The following SORBS2 variants were observed in gnomAD, a reference collection of about 807,000 sequenced individuals.
The protein encoded by SORBS2 is sorbin and SH3 domain containing 2, also known as sorbin and SH3 domain-containing protein 2.
SORBS2 carries 46 observed loss-of-function variants against 97.7 expected under a neutral mutation model. The ratio of observed to expected loss-of-function variants is 0.47; its 90% CI spans 0.37 to 0.60. SORBS2 has a LOEUF of 0.60. Ranked by LOEUF, SORBS2 falls within the 20% of genes least tolerant of loss-of-function variation. SORBS2 has a pLI of 0.00. For synonymous variants in SORBS2, 476 were observed against 473.4 expected, an observed-to-expected ratio of 1.01 and a Z score of -0.07; for missense variants, 1,316 against 1,282.3, an observed-to-expected ratio of 1.03 and a Z score of -0.40.
At chr4:185,642,106 G>T (rs1482869545) in intron 4 of SORBS2, among the ~76,000 whole-genome samples, 1 of 151,954 alleles carries the variant, frequency 6.6e-6, no homozygotes, top group Non-Finnish European at 1.5e-5. Context: ...TATATTTATT[G>T]TGGTTTCACA....
chr4:185,820,146 G>C (rs1387593816), intron 1 of SORBS2, among the ~76,000 whole-genome samples: 2 of 152,184 alleles, frequency 1.3e-5, no homozygotes, highest in African/African-American at 4.8e-5. Flanking sequence ...ACGTGGACCA[G>C]AGCGTCAAAA....
chr4:185,808,949 T>C (rs1262248079), intron 1 of SORBS2, among the ~76,000 whole-genome samples: 3 of 152,212 alleles, frequency 2.0e-5, no homozygotes, highest in Non-Finnish European at 2.9e-5. Context: ...ATTCAAGTTG[T>C]TTTGTTTAAA....
At chr4:185,914,500 T>C (rs560679279) in intron 1 of SORBS2, among the ~76,000 whole-genome samples, 1 of 152,256 alleles carries the variant, frequency 6.6e-6, no homozygotes, top group African/African-American at 2.4e-5. Flanking sequence ...CATACCGGAA[T>C]GTTATTCACC....
intron 1 of SORBS2, among the ~76,000 whole-genome samples, chr4:185,947,381 G>C (rs2099275022): frequency 1.3e-5 from 2 of 152,168 alleles, no homozygotes; most frequent in South Asian, 4.1e-4. Flanking sequence ...AACTTTGGAG[G>C]TGATGTGAGG....
chr4:185,821,874 G>T (rs772486254), intron 1 of SORBS2, among the ~76,000 whole-genome samples: 47 of 152,120 alleles, frequency 3.1e-4, no homozygotes, highest in Admixed American at 2.0e-4. Flanking sequence ...TCATTATTAC[G>T]AAACATGTCT....
intron 2 of SORBS2, among the ~76,000 whole-genome samples, chr4:185,766,965 T>C (rs1488133105): frequency 6.6e-6 from 1 of 152,200 alleles, no homozygotes; most frequent in African/African-American, 2.4e-5. Flanking sequence ...AGCTGGTCTT[T>C]AAAATTTTTT....
chr4:185,842,762 C>T (rs1218031607), intron 1 of SORBS2, among the ~76,000 whole-genome samples: 1 of 151,902 alleles, frequency 6.6e-6, no homozygotes, highest in Non-Finnish European at 1.5e-5. Flanking sequence ...TGGTGAAACC[C>T]TGTCTCTACT....
intron 11 of SORBS2, 116 bp from the exon 24 acceptor site, chr4:185,612,096 A>C: frequency 1.3e-6 from 1 of 743,336 alleles, no homozygotes; most frequent in Non-Finnish European, 2.2e-6. Flanking sequence ...TTATACCTTC[A>C]GTTTTTGTTT....
At chr4:185,794,880 C>A (rs1260772461) in intron 1 of SORBS2, among the ~76,000 whole-genome samples, 1 of 152,120 alleles carries the variant, frequency 6.6e-6, no homozygotes, top group African/African-American at 2.4e-5. Context: ...ACCCAGACCT[C>A]TGGCCTGGGG....
intron 1 of SORBS2, among the ~76,000 whole-genome samples, chr4:185,839,603 T>TA (rs565458441): frequency 1.1e-4 from 17 of 152,182 alleles, no homozygotes; most frequent in Non-Finnish European, 2.5e-4. Flanking sequence ...CTCCAAGCTT[T>TA]ATGTGCTTGT....
chr4:185,947,193 G>T (rs935259815), intron 1 of SORBS2, among the ~76,000 whole-genome samples: 3 of 152,186 alleles, frequency 2.0e-5, no homozygotes, highest in African/African-American at 7.2e-5. Flanking sequence ...CTGTGCATGT[G>T]GTTGGTCTTC....
intron 9 of SORBS2, 87 bp downstream of exon 21, chr4:185,618,498 C>A: frequency 1.5e-6 from 1 of 648,870 alleles, no homozygotes; most frequent in South Asian, 3.9e-5. Flanking sequence ...TCATTTGTAA[C>A]AGATCCTACT....
chr4:185,889,754 T>C (rs2099241526), intron 1 of SORBS2, among the ~76,000 whole-genome samples: 1 of 152,170 alleles, frequency 6.6e-6, no homozygotes, highest in Admixed American at 6.5e-5. Flanking sequence ...TTGTTACTGT[T>C]ACTCCATTGG....
At chr4:185,726,339 C>A (rs1428233815) in intron 2 of SORBS2, among the ~76,000 whole-genome samples, 1 of 152,078 alleles carries the variant, frequency 6.6e-6, no homozygotes, top group African/African-American at 2.4e-5. Context: ...TTGGTGTTTT[C>A]TTGAGGGCAG....
chr4:185,822,933 GA>G (rs1227515970), intron 1 of SORBS2, among the ~76,000 whole-genome samples: 1 of 152,196 alleles, frequency 6.6e-6, no homozygotes, highest in Non-Finnish European at 1.5e-5. Context: ...GATGCCAAAG[GA>G]AAAAATTAAG....
chr4:185,842,466 C>T (rs989552520), intron 1 of SORBS2, among the ~76,000 whole-genome samples: 1 of 152,122 alleles, frequency 6.6e-6, no homozygotes. Flanking sequence ...ATCTCATGAC[C>T]TTACTGTAAA....
intron 1 of SORBS2, among the ~76,000 whole-genome samples, chr4:185,952,435 G>A (rs2099277657): frequency 6.6e-6 from 1 of 152,206 alleles, no homozygotes; most frequent in Non-Finnish European, 1.5e-5. Context: ...GAGAACACCG[G>A]GCCCTCCCAT....
At chr4:185,589,981 A>C in intron 13 of SORBS2, 196 bp from the exon 26 acceptor site, 1 of 463,172 alleles carries the variant, frequency 2.2e-6, no homozygotes, top group Non-Finnish European at 3.9e-6. Context: ...AGCAATATGT[A>C]GATCTTCACA....
chr4:185,882,054 A>G (rs956003604), intron 1 of SORBS2, among the ~76,000 whole-genome samples: 4 of 152,202 alleles, frequency 2.6e-5, no homozygotes, highest in African/African-American at 4.8e-5. Flanking sequence ...TTTCTTTAAT[A>G]GCACTTTTCC....
Sources: gnomAD v4.1 joint callset for allele counts (sites outside exome capture counted in the v4.1 genomes callset) on GRCh38, gnomAD v4.1.1 for gene constraint, MANE v1.5 for transcripts, NCBI Gene and HGNC (gene_info 2026-07-23, HGNC 2026-07-21) for gene names.